The following CDCP1 variants were observed in gnomAD, a reference collection of about 807,000 sequenced individuals.
The protein encoded by CDCP1 is CUB domain containing protein 1, also known as CUB domain-containing protein 1.
Under a neutral mutation model 60.2 loss-of-function variants are expected in CDCP1, and 29 were observed. That is an observed-to-expected ratio of 0.48 (90% CI 0.36 to 0.66). The LOEUF (loss-of-function observed/expected upper bound fraction) is 0.66. Ranked by LOEUF, CDCP1 falls within the 30% of genes least tolerant of loss-of-function variation. CDCP1 has a pLI of 0.00. For missense variants in CDCP1, 876 were observed against 1,074.3 expected (o/e 0.82, Z 2.58); for synonymous variants, 387 against 431.1 (o/e 0.90, Z 1.27).
Position 45,082,900 on chromosome 3 carries a change from C to T in CDCP1, c.*2738G>A, listed in dbSNP as rs1412772258. Reference sequence around the variant, plus strand: ...GCTTTAAAGAAAAGAGCCAGGGTTCCTCAGGCTGGGCCCCTTCACTGAGGC... The same window carrying T: ...GCTTTAAAGAAAAGAGCCAGGGTTCTTCAGGCTGGGCCCCTTCACTGAGGC... On this transcript the variant is annotated 3_prime_UTR_variant, in exon 9 of 9. Transcript: ENST00000296129. 2.0e-5 allele frequency: 3 copies of T among 152,234 alleles called. No individual in the cohort carries two copies. Among genetic ancestry groups the T allele is most frequent in the African/African-American group, 2.4e-5 (1 of 41,460 alleles). The allele number at this position is 152,234 out of a possible 1,614,324, so 9.4% of individuals were successfully genotyped here.
intron 4 of CDCP1, among the ~76,000 whole-genome samples, chr3:45,108,787 A>ATATTTTTTTTTTTTTTTTTTTT: frequency 2.0e-4 from 7 of 34,744 alleles, no homozygotes; most frequent in Admixed American, 6.4e-4. Context: ...ATACATATAT[A>ATATTTTTTTTTTTTTTTTTTTT]TGCATGTATA....
chr3:45,145,673 C>A (rs1276249514), intron 1 of CDCP1, among the ~76,000 whole-genome samples: 1 of 152,070 alleles, frequency 6.6e-6, no homozygotes, highest in Non-Finnish European at 1.5e-5. Flanking sequence ...ATGCAGCGTG[C>A]GGACGGGAAA....
chr3:45,086,050 T>A lies in CDCP1; in HGVS notation c.2099A>T (p.Lys700Met), dbSNP rs767464350. The change falls in exon 9 of 9, where the codon AAG (lysine) becomes ATG (methionine). Residue 700 changes from lysine (K) to methionine (M), a missense_variant. By Grantham distance (95) the Lys-to-Met change is moderately conservative. Transcript: ENST00000296129. ...ATTGTAGATACCCACAGCGGGGCCC[T>A]TGTTTGTCTTCTTTTTCCTATTTGG... ...CVKKKKKKTN[K>M]GPAVGIYNDN... The A allele has an allele frequency of 3.1e-6, 5 of 1,613,542 alleles. No homozygotes were observed. In the East Asian group the frequency reaches 1.1e-4, roughly 36 times the overall value.
At chr3:45,141,992 T>C (rs919345267) in intron 1 of CDCP1, among the ~76,000 whole-genome samples, 29 of 152,084 alleles carry the variant, frequency 1.9e-4, no homozygotes, top group Admixed American at 6.5e-4. Context: ...CCACCATGTT[T>C]GGCTAATTTT....
In CDCP1 at chr3:45,084,259, A is replaced by G. The variant is rs1001845746; in HGVS notation, c.*1379T>C. The G allele has an allele frequency of 6.6e-6, 1 of 152,126 alleles. No homozygotes were observed. Among genetic ancestry groups the G allele is most frequent in the Admixed American group, 6.5e-5 (1 of 15,270 alleles). 9.4% of individuals were successfully genotyped at this position (152,126 alleles called of 1,614,324 possible). A position where few individuals can be genotyped will look rare whatever the true frequency, so the allele number is the denominator to read the frequency against. On this transcript the variant is annotated 3_prime_UTR_variant, in exon 9 of 9. Coordinates refer to ENST00000296129, the MANE Select transcript of CDCP1 (RefSeq NM_022842.5). The stretch of plus-strand genomic sequence containing the variant: ...TTTAAGTGTTAGAGTCCGCAAGCTA[A>G]ACAAAACATCCCTGTGCGCCAGATC...
At chr3:45,089,217 A>C in intron 7 of CDCP1, 76 bp from the exon 8 acceptor site, 1 of 1,174,076 alleles carries the variant, frequency 8.5e-7, no homozygotes, top group Non-Finnish European at 1.3e-6. Context: ...GGCATCTCCA[A>C]AAGCAGCTGC....
At chr3:45,096,623 C>CA (rs5848726) in intron 4 of CDCP1, among the ~76,000 whole-genome samples, 1,801 of 52,842 alleles carry the variant, frequency 0.034, 85 homozygotes, top group African/African-American at 0.084. Context: ...GACTCCGTCT[C>CA]AAAAAAAAAA....
intron 1 of CDCP1, among the ~76,000 whole-genome samples, chr3:45,140,834 A>C (rs1699276452): frequency 6.6e-6 from 1 of 152,248 alleles, no homozygotes. Flanking sequence ...TTACATCTCC[A>C]ACCTCAACAC....
At chr3:45,125,755 C>T (rs1698968600) in intron 1 of CDCP1, among the ~76,000 whole-genome samples, 1 of 152,232 alleles carries the variant, frequency 6.6e-6, no homozygotes, top group Admixed American at 6.5e-5. Flanking sequence ...TAAGGAGGCA[C>T]TCACTGTCAG....
intron 1 of CDCP1, among the ~76,000 whole-genome samples, chr3:45,144,072 CA>C (rs1559404599): frequency 6.6e-6 from 1 of 152,142 alleles, no homozygotes; most frequent in Non-Finnish European, 1.5e-5. Flanking sequence ...TGGAGGTTTT[CA>C]AAAGGCTATG....
intron 1 of CDCP1, among the ~76,000 whole-genome samples, chr3:45,127,829 T>C (rs1187848916): frequency 6.6e-6 from 1 of 152,100 alleles, no homozygotes; most frequent in Non-Finnish European, 1.5e-5. Context: ...AGTAAAGGGA[T>C]GTGAAATGAT....
chr3:45,141,645 G>C (rs1699292060), intron 1 of CDCP1, among the ~76,000 whole-genome samples: 1 of 152,184 alleles, frequency 6.6e-6, no homozygotes, highest in Non-Finnish European at 1.5e-5. Flanking sequence ...TACTTTTAAA[G>C]ACTGATGGAC....
At chr3:45,111,711 C>G (rs911323404) in intron 3 of CDCP1, among the ~76,000 whole-genome samples, 3 of 152,106 alleles carry the variant, frequency 2.0e-5, no homozygotes, top group Non-Finnish European at 2.9e-5. Flanking sequence ...CAAAAAACAG[C>G]TTTTATGAGC....
At chr3:45,104,293 T>C (rs1327415256) in intron 4 of CDCP1, among the ~76,000 whole-genome samples, 2 of 152,326 alleles carry the variant, frequency 1.3e-5, no homozygotes, top group African/African-American at 2.4e-5. Flanking sequence ...CTATTTTGCA[T>C]TTGCACCTCA....
rs888515095 is a variant in CDCP1, at chr3:45,083,362, C to A, written c.*2276G>T. 5 of 152,212 alleles carry A rather than the reference C, an allele frequency of 3.3e-5. No individual in the cohort carries two copies. Among genetic ancestry groups the A allele is most frequent in the Admixed American group, 2.0e-4 (3 of 15,286 alleles). The allele number at this position is 152,212 out of a possible 1,614,324, so 9.4% of individuals were successfully genotyped here. A position where few individuals can be genotyped will look rare whatever the true frequency, so the allele number is the denominator to read the frequency against. ...ATCCTCTGGAAAGTGTTCAAGAGGT[C>A]TTGCAGTACACGCCATTTAGGAGAC... On this transcript the variant is annotated 3_prime_UTR_variant, in exon 9 of 9. Coordinates refer to ENST00000296129, the MANE Select transcript of CDCP1 (RefSeq NM_022842.5).
Position 45,110,680 on chromosome 3 carries a change from T to C in CDCP1, c.817A>G (p.Asn273Asp). 1 of 1,614,052 alleles carries C rather than the reference T, an allele frequency of 6.2e-7. No homozygotes were observed. Among genetic ancestry groups the C allele is most frequent in the Non-Finnish European group, 8.5e-7 (1 of 1,180,016 alleles). The change falls in exon 4 of 9, where the codon AAC becomes GAC. Residue 273 changes from asparagine (N) to aspartate (D), a missense_variant. Asn to Asp is a conservative substitution (Grantham distance 23, BLOSUM62 1). This residue lies in a region of CDCP1 where 726 missense variants were observed against 935.7 expected (regional missense o/e 0.78). Transcript: ENST00000296129. ...ACCCGCTCCTCCTTCCTCTCACAGT[T>C]GGAGAGGTTGAAGTTGAGGAAGGAG... ...SVSFLNFNLSNCERKEERVEY... is the reference protein window; with the variant it reads ...SVSFLNFNLSDCERKEERVEY...
chr3:45,088,927 T>G, intron 8 of CDCP1, 127 bp downstream of exon 8: 1 of 787,482 alleles, frequency 1.3e-6, no homozygotes, highest in Non-Finnish European at 2.1e-6. Flanking sequence ...GGCAATATTG[T>G]TTAACATTGA....
intron 1 of CDCP1, among the ~76,000 whole-genome samples, chr3:45,122,643 G>A (rs1041643865): frequency 1.3e-5 from 2 of 151,506 alleles, no homozygotes; most frequent in African/African-American, 2.4e-5. Context: ...TAGTAAAGAG[G>A]GGGTTTCACC....
At chr3:45,114,600 T>C (rs1027375888) in intron 2 of CDCP1, among the ~76,000 whole-genome samples, 2 of 151,896 alleles carry the variant, frequency 1.3e-5, no homozygotes, top group Non-Finnish European at 2.9e-5. Flanking sequence ...GTATTTTTAG[T>C]AGGGGTTTCA....
Sources: allele counts gnomAD v4.1 joint callset (sites outside exome capture counted in the v4.1 genomes callset), GRCh38; gene constraint gnomAD v4.1.1; regional missense constraint gnomAD v4.1.1; transcripts MANE v1.5; gene names NCBI Gene and HGNC (gene_info 2026-07-23, HGNC 2026-07-21).